HINT2: variants seen among roughly 807,000 people sequenced by gnomAD.
The protein encoded by HINT2 is histidine triad nucleotide binding protein 2, also known as adenosine 5'-monophosphoramidase HINT2.
A neutral mutation model predicts 20.0 loss-of-function variants in HINT2; 17 were observed. That is an observed-to-expected ratio of 0.85 (90% confidence interval 0.58 to 1.27). HINT2 has a LOEUF of 1.27. Ranked by LOEUF, HINT2 falls within the 50% of genes most tolerant of loss-of-function variation. The probability of loss-of-function intolerance (pLI) is 0.00; values close to 1 mark genes in which losing one functional copy is unlikely to be tolerated. For synonymous variants in HINT2, 96 were observed against 84.2 expected, an observed-to-expected ratio of 1.14 and a Z score of -0.77; for missense variants, 217 against 211.9, an observed-to-expected ratio of 1.02 and a Z score of -0.15.
At chr9:35,815,142 C>T (rs1290401301), upstream of HINT2, 1 of 572,866 alleles carries the variant, frequency 1.7e-6, no homozygotes, top group East Asian at 3.5e-5. Context: ...ATTGCCTCTG[C>T]AGCCACTTTG....
rs1456711583 is a variant in HINT2, at chr9:35,814,902, C to A, written c.78G>T (p.Gly26=). 1 of 1,487,526 alleles carries A rather than the reference C, an allele frequency of 6.7e-7. No individual in the cohort carries two copies. The highest frequency in any genetic ancestry group is 8.9e-7 in the Non-Finnish European group (1 of 1,126,226). 92.1% of individuals were successfully genotyped at this position (1,487,526 alleles called of 1,614,324 possible). The change falls in exon 1 of 5, where the codon GGG becomes GGT. Residue 26 remains glycine (G), a synonymous_variant. Coordinates refer to ENST00000259667, the MANE Select transcript of HINT2 (RefSeq NM_032593.3). ...RAVAATGVRG[G]QVRGAAGVTD... ...TCGCTCCCGCGCCACTTCTCACCTG[C>A]CCCCCGCGCACCCCCGTGGCCGCCA...
rs1828910657 is a variant in HINT2, at chr9:35,813,432, C to T, written c.327+13G>A. ...GGCTCCTCCCAGCCAAACCCTGGCC[C>T]TGTTCTTCCCACCTGCTGGTCTTCT... On this transcript the variant is annotated intron_variant, in intron 3 of 4. Coordinates refer to ENST00000259667, the MANE Select transcript of HINT2 (RefSeq NM_032593.3). 6.2e-7 allele frequency: 1 copy of T among 1,614,004 alleles called. No homozygotes were observed. Among genetic ancestry groups the T allele is most frequent in the East Asian group, 2.2e-5 (1 of 44,890 alleles).
rs903271011 is a variant in HINT2, at chr9:35,814,705, G to A, written c.81+194C>T. On this transcript the variant is annotated intron_variant, in intron 1 of 4. Coordinates refer to ENST00000259667, the MANE Select transcript of HINT2 (RefSeq NM_032593.3). Reference sequence around the variant, plus strand: ...GACCTCGGCGCCCCGGCCTGCGCAGGGCGGGAATCAGCACCAGCTCGTTCT... The same window carrying A: ...GACCTCGGCGCCCCGGCCTGCGCAGAGCGGGAATCAGCACCAGCTCGTTCT... 1.5e-5 allele frequency: 8 copies of A among 537,496 alleles called. No individual in the cohort carries two copies. The Middle Eastern group carries it at 1.4e-3, about 96-fold the overall frequency. The allele number at this position is 537,496 out of a possible 1,614,324, so 33.3% of individuals were successfully genotyped here.
rs967264276 is a variant in HINT2, at chr9:35,813,027, C to T, written c.*27G>A. The T allele has an allele frequency of 1.9e-6, 3 of 1,570,858 alleles. No homozygotes were observed. The highest frequency in any genetic ancestry group is 2.6e-6 in the Non-Finnish European group (3 of 1,140,570). ...CCCTTTCCATCCAAGCATCCAGAGTCTGGTGTCCTTTAATCAGTTGGCAGG... is the reference window on the plus strand; with the variant it reads ...CCCTTTCCATCCAAGCATCCAGAGTTTGGTGTCCTTTAATCAGTTGGCAGG... On this transcript the variant is annotated 3_prime_UTR_variant, in exon 5 of 5. Coordinates refer to ENST00000259667, the MANE Select transcript of HINT2 (RefSeq NM_032593.3).
intron 1 of HINT2, 70 bp from the exon 2 acceptor site, chr9:35,813,854 G>A (rs576986422): frequency 3.2e-5 from 49 of 1,509,504 alleles, no homozygotes; most frequent in East Asian, 4.8e-5. Flanking sequence ...TGTTAATTTC[G>A]TCCTTCTAAT....
At chr9:35,814,695 G>A (rs767915630) in intron 1 of HINT2, 36 of 522,472 alleles carry the variant, frequency 6.9e-5, no homozygotes, top group Non-Finnish European at 1.1e-4. Context: ...CGGCGCCCCG[G>A]CCTGCGCAGG....
chr9:35,814,230 A>C (rs755874184), intron 1 of HINT2: 5 of 160,082 alleles, frequency 3.1e-5, no homozygotes, highest in Non-Finnish European at 5.5e-5. Flanking sequence ...TATTTCCGTT[A>C]CTTGTTTTCT....
chr9:35,814,840 G>A, intron 1 of HINT2, 59 bp downstream of exon 1: 1 of 1,403,436 alleles, frequency 7.1e-7, no homozygotes, highest in South Asian at 1.4e-5. Flanking sequence ...GGGACCCCCT[G>A]GCCCCGGATG....
chr9:35,815,028 C>T lies in HINT2; in HGVS notation c.-49G>A. ...TCACCCGGGTCAGCACTCGGCTCCG[C>T]GGCCGGCCGTGGGTGGGGACTCCGG... On this transcript the variant is annotated 5_prime_UTR_variant, in exon 1 of 5. Coordinates refer to ENST00000259667, the MANE Select transcript of HINT2 (RefSeq NM_032593.3). 1.5e-6 allele frequency: 2 copies of T among 1,364,330 alleles called. No homozygotes were observed. Among genetic ancestry groups the T allele is most frequent in the Non-Finnish European group, 1.9e-6 (2 of 1,062,540 alleles). The allele number at this position is 1,364,330 out of a possible 1,614,324, so 84.5% of individuals were successfully genotyped here. A position where few individuals can be genotyped will look rare whatever the true frequency, so the allele number is the denominator to read the frequency against.
chr9:35,813,845 G>A, intron 1 of HINT2, 61 bp from the exon 2 acceptor site: 3 of 1,534,530 alleles, frequency 2.0e-6, no homozygotes, highest in Non-Finnish European at 2.6e-6. Context: ...TCTGATAGTT[G>A]TTAATTTCGT....
rs1452804258 is a variant in HINT2 at position 35,813,636 on chromosome 9, C to T, written c.222+8G>A. 1.2e-6 allele frequency: 2 copies of T among 1,614,138 alleles called. No homozygotes were observed. Among genetic ancestry groups the T allele is most frequent in the Non-Finnish European group, 1.7e-6 (2 of 1,180,004 alleles). ...TTCCTAAGGGGATAGGTCCTAAGAG[C>T]ACCCCACCTGCTGGTCCTCATAGAG... On this transcript the variant is annotated splice_region_variant and intron_variant, in intron 2 of 4. Transcript: ENST00000259667.
chr9:35,814,670 A>T (rs894510106), intron 1 of HINT2: 17 of 504,042 alleles, frequency 3.4e-5, no homozygotes, highest in Non-Finnish European at 5.9e-5. Context: ...CGCTGCACTG[A>T]CCCTGTCCCG....
rs533241005 is a variant in HINT2, at chr9:35,814,769, G to A, written c.81+130C>T. 485 of 761,510 alleles carry A rather than the reference G, an allele frequency of 6.4e-4. 4 individuals are homozygous for A. The African/African-American group carries it at 7.8e-3, about 12-fold the overall frequency. 47.2% of individuals were successfully genotyped at this position (761,510 alleles called of 1,614,324 possible). ...TTCGACCTCACCACACAGCCCCGGA[G>A]CTTGTGCCTCGGAGGGGCAGAGGCC... On this transcript the variant is annotated intron_variant, in intron 1 of 4. Transcript: ENST00000259667.
At position 35,815,003 on chromosome 9, in the gene HINT2, T is replaced by C; in HGVS notation, c.-24A>G. 1.4e-6 allele frequency: 2 copies of C among 1,434,198 alleles called. No individual in the cohort carries two copies. The highest frequency in any genetic ancestry group is 1.8e-6 in the Non-Finnish European group (2 of 1,100,272). 88.8% of individuals were successfully genotyped at this position (1,434,198 alleles called of 1,614,324 possible). A position where few individuals can be genotyped will look rare whatever the true frequency, so the allele number is the denominator to read the frequency against. ...ATCTTCCCTGAGCCGCGGGAACCTC[T>C]CACCCGGGTCAGCACTCGGCTCCGC... On this transcript the variant is annotated 5_prime_UTR_variant, in exon 1 of 5. Coordinates refer to ENST00000259667, the MANE Select transcript of HINT2 (RefSeq NM_032593.3).
Position 35,814,982 on chromosome 9 carries a change from TC to T in HINT2, c.-4del. 2 of 1,461,428 alleles carry T rather than the reference TC, an allele frequency of 1.4e-6. No individual in the cohort carries two copies. Among genetic ancestry groups the T allele is most frequent in the Non-Finnish European group, 1.8e-6 (2 of 1,113,404 alleles). 90.5% of individuals were successfully genotyped at this position (1,461,428 alleles called of 1,614,324 possible). A position where few individuals can be genotyped will look rare whatever the true frequency, so the allele number is the denominator to read the frequency against. On this transcript the variant is annotated 5_prime_UTR_variant, in exon 1 of 5. Coordinates refer to ENST00000259667, the MANE Select transcript of HINT2 (RefSeq NM_032593.3). ...GCCAGCACCACGGCTGCCGCCATCT[TC>T]CCTGAGCCGCGGGAACCTCTCACCC...
At position 35,814,895 on chromosome 9, in the gene HINT2, T is replaced by C; in HGVS notation, c.81+4A>G. On this transcript the variant is annotated splice_donor_region_variant and intron_variant, in intron 1 of 4. Coordinates refer to ENST00000259667, the MANE Select transcript of HINT2 (RefSeq NM_032593.3). Reference sequence around the variant, plus strand: ...CCCCTACTCGCTCCCGCGCCACTTCTCACCTGCCCCCCGCGCACCCCCGTG... The same window carrying C: ...CCCCTACTCGCTCCCGCGCCACTTCCCACCTGCCCCCCGCGCACCCCCGTG... The C allele has an allele frequency of 6.7e-7, 1 of 1,489,390 alleles. No homozygotes were observed. Among genetic ancestry groups the C allele is most frequent in the South Asian group, 1.3e-5 (1 of 79,244 alleles). The allele number at this position is 1,489,390 out of a possible 1,614,324, so 92.3% of individuals were successfully genotyped here.
chr9:35,814,475 G>A (rs1188753811), intron 1 of HINT2: 1 of 165,652 alleles, frequency 6.0e-6, no homozygotes, highest in Non-Finnish European at 1.3e-5. Context: ...GGGAGAACGG[G>A]ACGGAATGAA....
chr9:35,814,769 G>C, intron 1 of HINT2, 130 bp downstream of exon 1: 4 of 761,510 alleles, frequency 5.3e-6, no homozygotes, highest in Non-Finnish European at 7.8e-6. Flanking sequence ...CAGCCCCGGA[G>C]CTTGTGCCTC....
chr9:35,814,923 C>A lies in HINT2; in HGVS notation c.57G>T (p.Ala19=), dbSNP rs1383434797. ...CCTGCCCCCCGCGCACCCCCGTGGCCGCCACGGCTCTGCGCGCCGCGCGCA... is the reference window on the plus strand; with the variant it reads ...CCTGCCCCCCGCGCACCCCCGTGGCAGCCACGGCTCTGCGCGCCGCGCGCA... ...AGLRAARRAV[A]ATGVRGGQVR... is the part of the protein sequence containing the mutation. The change falls in exon 1 of 5, where the codon GCG becomes GCT. Residue 19 remains alanine, a synonymous_variant. Transcript: ENST00000259667. 1 of 1,486,820 alleles carries A rather than the reference C, an allele frequency of 6.7e-7. No individual in the cohort carries two copies. The highest frequency in any genetic ancestry group is 2.3e-5 in the Admixed American group (1 of 43,488). The allele number at this position is 1,486,820 out of a possible 1,614,324, so 92.1% of individuals were successfully genotyped here.
Sources: allele counts gnomAD v4.1 joint callset, GRCh38; gene constraint gnomAD v4.1.1; transcripts MANE v1.5; gene names NCBI Gene and HGNC (gene_info 2026-07-23, HGNC 2026-07-21).